The following SNTG1 variants were observed in gnomAD, a reference collection of about 807,000 sequenced individuals.
The protein encoded by SNTG1 is gamma-1-syntrophin.
A neutral mutation model predicts 74.7 loss-of-function variants in SNTG1; 39 were observed. The observed-to-expected ratio is 0.52, with a 90% confidence interval of 0.40 to 0.68. The LOEUF (loss-of-function observed/expected upper bound fraction) is 0.68, where lower values mean the gene tolerates loss of function less well. Among genes scored for constraint, SNTG1 ranks in the 30% least tolerant of loss-of-function variants. SNTG1 has a pLI of 0.00. For missense variants in SNTG1, 685 were observed against 609.5 expected (o/e 1.12, Z -1.30); for synonymous variants, 254 against 217.1 (o/e 1.17, Z -1.49).
chr8:50,089,425 G>C (rs1586219714), intron 1 of SNTG1, among the ~76,000 whole-genome samples: 1 of 150,268 alleles, frequency 6.7e-6, no homozygotes, highest in African/African-American at 2.5e-5. Context: ...TTAAACTAAA[G>C]AGCTTCTGCA....
chr8:50,160,266 G>T (rs1204385695), intron 1 of SNTG1, among the ~76,000 whole-genome samples: 1 of 152,232 alleles, frequency 6.6e-6, no homozygotes, highest in African/African-American at 2.4e-5. Flanking sequence ...CATAAACGTT[G>T]TTACAGCAAA....
intron 13 of SNTG1, among the ~76,000 whole-genome samples, chr8:50,630,091 C>T (rs1400056348): frequency 6.6e-6 from 1 of 152,074 alleles, no homozygotes. Context: ...TAAAAAATTA[C>T]AGGTGATAAA....
chr8:49,979,108 G>T (rs1485649289), intron 1 of SNTG1, among the ~76,000 whole-genome samples: 4 of 152,232 alleles, frequency 2.6e-5, no homozygotes, highest in Non-Finnish European at 5.9e-5. Flanking sequence ...TTTTGGAGAA[G>T]AATGAGCGAA....
At chr8:50,129,728 A>G (rs1042449681) in intron 1 of SNTG1, among the ~76,000 whole-genome samples, 12 of 152,188 alleles carry the variant, frequency 7.9e-5, no homozygotes, top group African/African-American at 2.9e-4. Context: ...ATAGTCAACA[A>G]TTGCAAATAC....
At chr8:50,178,487 T>G (rs977456661) in intron 2 of SNTG1, among the ~76,000 whole-genome samples, 2 of 152,118 alleles carry the variant, frequency 1.3e-5, no homozygotes, top group African/African-American at 4.8e-5. Context: ...ATTAACAAGT[T>G]GGGAAAGGCC....
At chr8:50,431,071 G>A (rs2093229884) in intron 4 of SNTG1, among the ~76,000 whole-genome samples, 1 of 152,120 alleles carries the variant, frequency 6.6e-6, no homozygotes, top group South Asian at 2.1e-4. Context: ...CATCGCTGAG[G>A]TTGTAACATA....
chr8:50,055,099 C>T (rs1819913186), intron 1 of SNTG1, among the ~76,000 whole-genome samples: 1 of 151,980 alleles, frequency 6.6e-6, no homozygotes. Flanking sequence ...GTAATTCAGA[C>T]TCACTCTTTC....
intron 5 of SNTG1, among the ~76,000 whole-genome samples, chr8:50,449,310 T>C (rs2093434120): frequency 6.6e-6 from 1 of 152,212 alleles, no homozygotes; most frequent in Non-Finnish European, 1.5e-5. Context: ...CAGCACAGAA[T>C]AACTTAGCAG....
intron 1 of SNTG1, among the ~76,000 whole-genome samples, chr8:49,997,316 A>T (rs971806462): frequency 6.6e-6 from 1 of 152,036 alleles, no homozygotes; most frequent in African/African-American, 2.4e-5. Flanking sequence ...TTTTTCTATT[A>T]TATCTTTAGT....
intron 1 of SNTG1, among the ~76,000 whole-genome samples, chr8:49,986,907 A>T (rs1185664502): frequency 6.6e-6 from 1 of 152,158 alleles, no homozygotes; most frequent in Non-Finnish European, 1.5e-5. Context: ...ATATGTAAAT[A>T]TAAATAAATA....
At chr8:49,970,023 G>T (rs1422125458) in intron 1 of SNTG1, among the ~76,000 whole-genome samples, 3 of 151,678 alleles carry the variant, frequency 2.0e-5, no homozygotes. Flanking sequence ...TACTCAAATT[G>T]CCAATACAAA....
At chr8:50,394,832 G>A (rs1364162068) in intron 3 of SNTG1, among the ~76,000 whole-genome samples, 6 of 138,572 alleles carry the variant, frequency 4.3e-5, no homozygotes, top group African/African-American at 1.4e-4. Flanking sequence ...TTCCATCTTA[G>A]GAAGAAAAAC....
At chr8:50,395,743 C>G (rs975908673) in intron 3 of SNTG1, among the ~76,000 whole-genome samples, 1 of 152,096 alleles carries the variant, frequency 6.6e-6, no homozygotes, top group Non-Finnish European at 1.5e-5. Flanking sequence ...GATCTCCTGA[C>G]CTCGTGATCC....
chr8:50,165,606 T>TC (rs2082584934), intron 1 of SNTG1, among the ~76,000 whole-genome samples: 8 of 152,202 alleles, frequency 5.3e-5, no homozygotes, highest in Admixed American at 2.0e-4. Flanking sequence ...GACCATGTTC[T>TC]GCATATTATC....
At chr8:50,563,097 C>A (rs1348436207) in intron 12 of SNTG1, among the ~76,000 whole-genome samples, 9 of 152,172 alleles carry the variant, frequency 5.9e-5, no homozygotes, top group Admixed American at 5.9e-4. Context: ...GCAGACAAGA[C>A]TGTTGAATTG....
At chr8:50,730,480 A>G (rs1283730613) in intron 17 of SNTG1, among the ~76,000 whole-genome samples, 8 of 152,198 alleles carry the variant, frequency 5.3e-5, no homozygotes. Context: ...TAGGGGCATT[A>G]CATGACAAAA....
chr8:50,660,441 GA>G, intron 15 of SNTG1, among the ~76,000 whole-genome samples: 1 of 125,388 alleles, frequency 8.0e-6, no homozygotes, highest in East Asian at 2.6e-4. Context: ...AAGAAAGAAA[GA>G]GAAAAAAGAA....
At chr8:49,916,181 T>A (rs1271621790) in intron 1 of SNTG1, among the ~76,000 whole-genome samples, 2 of 58,282 alleles carry the variant, frequency 3.4e-5, no homozygotes, top group East Asian at 1.1e-3. Context: ...TTCAGATTTT[T>A]TTTTGTCAAA....
At chr8:50,560,355 A>G (rs1285681780) in intron 12 of SNTG1, among the ~76,000 whole-genome samples, 1 of 152,232 alleles carries the variant, frequency 6.6e-6, no homozygotes, top group East Asian at 1.9e-4. Context: ...TGACCCAGCA[A>G]TCCCATTACT....
Sources: gnomAD v4.1 joint callset for allele counts (sites outside exome capture counted in the v4.1 genomes callset) on GRCh38, gnomAD v4.1.1 for gene constraint, MANE v1.5 for transcripts, NCBI Gene and HGNC (gene_info 2026-07-23, HGNC 2026-07-21) for gene names.